The following CAMK1 variants were observed in gnomAD, a reference collection of about 807,000 sequenced individuals.
CAMK1 encodes calcium/calmodulin dependent protein kinase I.
Under a neutral mutation model 49.1 loss-of-function variants are expected in CAMK1, and 39 were observed. That is an observed-to-expected ratio of 0.79 (90% CI 0.62 to 1.04). CAMK1 has a LOEUF of 1.04. CAMK1 is among the 50% of genes least tolerant of loss of function. The pLI, the probability that CAMK1 is intolerant of heterozygous loss-of-function variation, is 0.00. For missense variants in CAMK1, 457 were observed against 472.2 expected (o/e 0.97, Z 0.30); for synonymous variants, 192 against 185.2 (o/e 1.04, Z -0.30).
At chr3:9,758,996 G>A in intron 10 of CAMK1, 1 of 613,156 alleles carries the variant, frequency 1.6e-6, no homozygotes, top group South Asian at 1.8e-5. Context: ...GTGCCCTCAG[G>A]ATCAAGTTGG....
At chr3:9,761,072 C>T (rs932972830) in intron 7 of CAMK1, 6 of 376,948 alleles carry the variant, frequency 1.6e-5, no homozygotes, top group African/African-American at 6.2e-5. Context: ...ACAGCGAGCC[C>T]TTCCCTGACC....
chr3:9,763,258 A>C, intron 3 of CAMK1, 45 bp from the exon 4 acceptor site: 1 of 1,612,184 alleles, frequency 6.2e-7, no homozygotes, highest in Non-Finnish European at 8.5e-7. Context: ...GGCGGTGTGC[A>C]CCTGTAGTCC....
chr3:9,763,254 G>A, intron 3 of CAMK1, 41 bp from the exon 4 acceptor site: 1 of 1,612,698 alleles, frequency 6.2e-7, no homozygotes, highest in Non-Finnish European at 8.5e-7. Context: ...GCATGGCGGT[G>A]TGCACCTGTA....
At chr3:9,762,876 C>T in intron 5 of CAMK1, 38 bp downstream of exon 5, 1 of 1,609,706 alleles carries the variant, frequency 6.2e-7, no homozygotes, top group African/African-American at 1.3e-5. Flanking sequence ...GGCCCCACCC[C>T]TGGGTACCCT....
chr3:9,763,252 G>A (rs1389951356), intron 3 of CAMK1, 39 bp from the exon 4 acceptor site: 2 of 1,612,642 alleles, frequency 1.2e-6, no homozygotes, highest in Non-Finnish European at 1.7e-6. Flanking sequence ...AGGCATGGCG[G>A]TGTGCACCTG....
In CAMK1 at chr3:9,762,992, G is replaced by C; in HGVS notation, c.351C>G (p.Asp117Glu). Residue 117 changes from aspartate (D) to glutamate (E), a missense_variant, in exon 5 of 12, where the codon GAC becomes GAG. Physicochemically the swap from Asp to Glu is conservative, Grantham distance 45 (BLOSUM62 2). Coordinates refer to ENST00000256460, the MANE Select transcript of CAMK1 (RefSeq NM_003656.5). ...GCACCTGGAAGATGAGGCGGCTGGCGTCCCGCTCCGTGTAGAAGCCTTTTT... is the reference window on the plus strand; with the variant it reads ...GCACCTGGAAGATGAGGCGGCTGGCCTCCCGCTCCGTGTAGAAGCCTTTTT... Reference protein sequence around the residue: ...IVEKGFYTERDASRLIFQVLD... With the variant: ...IVEKGFYTEREASRLIFQVLD... 6.2e-7 allele frequency: 1 copy of C among 1,614,144 alleles called. No homozygotes were observed. Among genetic ancestry groups the C allele is most frequent in the Non-Finnish European group, 8.5e-7 (1 of 1,180,032 alleles).
intron 10 of CAMK1, 158 bp from the exon 11 acceptor site, chr3:9,758,004 G>C (rs987855602): frequency 2.5e-6 from 3 of 1,216,258 alleles, no homozygotes; most frequent in Non-Finnish European, 3.3e-6. Flanking sequence ...CCTCTACAAG[G>C]CTTTATTATA....
At chr3:9,762,839 A>G in intron 5 of CAMK1, 75 bp downstream of exon 5, 3 of 1,496,514 alleles carry the variant, frequency 2.0e-6, no homozygotes, top group Non-Finnish European at 2.8e-6. Context: ...AAAGTTGCCC[A>G]AGGTCAGACA....
rs765378672 is a variant in CAMK1 at position 9,760,741 on chromosome 3, G to A, written c.660C>T (p.Asp220=). Residue 220 remains aspartate (D), a synonymous_variant, in exon 8 of 12, where the codon GAC becomes GAT. Transcript: ENST00000256460. ...ILLCGYPPFY[D]ENDAKLFEQI... ...GTTCAAAGAGTTTGGCATCATTCTC[G>A]TCATAGAAGGGAGGGTAACCGCAGA... 3.3e-5 allele frequency: 54 copies of A among 1,613,974 alleles called. No individual in the cohort carries two copies. The highest frequency in any genetic ancestry group is 2.3e-4 in the South Asian group (21 of 91,090).
At chr3:9,765,989 A>G in intron 2 of CAMK1, 99 bp from the exon 3 acceptor site, 1 of 1,614,122 alleles carries the variant, frequency 6.2e-7, no homozygotes, top group Non-Finnish European at 8.5e-7. Flanking sequence ...CTGCTGGACC[A>G]AGGACGTGGA....
chr3:9,763,071 C>T lies in CAMK1; in HGVS notation c.291-19G>A, dbSNP rs1409907451. ...CGACACCCTGCAGCAGGGGATAGGG[C>T]AGTCTGGCAAAGAGGGTTGGGACAG... is the stretch of plus-strand genomic sequence containing the variant. On this transcript the variant is annotated intron_variant, in intron 4 of 11. Coordinates refer to ENST00000256460, the MANE Select transcript of CAMK1 (RefSeq NM_003656.5). The T allele has an allele frequency of 1.9e-6, 3 of 1,613,980 alleles. No homozygotes were observed. The highest frequency in any genetic ancestry group is 2.5e-6 in the Non-Finnish European group (3 of 1,179,988).
chr3:9,763,934 C>T (rs528169694), intron 3 of CAMK1, among the ~76,000 whole-genome samples: 2 of 152,220 alleles, frequency 1.3e-5, no homozygotes, highest in Non-Finnish European at 2.9e-5. Flanking sequence ...TGCAGTGAGT[C>T]GAGATCATGC....
At chr3:9,762,673 T>C (rs2077940881) in intron 5 of CAMK1, among the ~76,000 whole-genome samples, 2 of 152,198 alleles carry the variant, frequency 1.3e-5, no homozygotes, top group Admixed American at 1.3e-4. Flanking sequence ...CCAGATTTTT[T>C]TTTTTTTAAT....
rs1471219827 is a variant in CAMK1, at chr3:9,763,152, G to T, written c.277C>A (p.Leu93Ile). 6.2e-7 allele frequency: 1 copy of T among 1,613,988 alleles called. No individual in the cohort carries two copies. The highest frequency in any genetic ancestry group is 1.3e-5 in the African/African-American group (1 of 74,922). ...DIYESGGHLY[L>I]IMQLVSGGEL... is the part of the protein sequence containing the mutation. ...TGGGCCACTCACAGCTGCATGATGA[G>T]GTAGAGGTGGCCCCCACTCTCATAG... Residue 93 changes from leucine to isoleucine, a missense_variant, in exon 4 of 12, where the codon CTC becomes ATC. Transcript: ENST00000256460.
rs2125577253 is a variant in CAMK1, at chr3:9,761,509, T to C, written c.584A>G (p.Tyr195Cys). 6.2e-7 allele frequency: 1 copy of C among 1,613,588 alleles called. No homozygotes were observed. Among genetic ancestry groups the C allele is most frequent in the Non-Finnish European group, 8.5e-7 (1 of 1,179,718 alleles). ...GGACCAGCAATCCACAGCCTTGCTG[T>C]AGGGCTTCTGGGCCAGGACTTCAGG... ...VAPEVLAQKP[Y>C]SKAVDCWSIG... Residue 195 changes from tyrosine (Y) to cysteine (C), a missense_variant, in exon 7 of 12, where the codon TAC (tyrosine) becomes TGC (cysteine). By Grantham distance (194) the Tyr-to-Cys change is radical. Transcript: ENST00000256460.
In CAMK1 at chr3:9,762,995, C is replaced by G. The variant is rs748389831; in HGVS notation, c.348G>C (p.Arg116=). The G allele has an allele frequency of 6.2e-7, 1 of 1,614,152 alleles. No individual in the cohort carries two copies. The highest frequency in any genetic ancestry group is 8.5e-7 in the Non-Finnish European group (1 of 1,180,038). ...CCTGGAAGATGAGGCGGCTGGCGTC[C>G]CGCTCCGTGTAGAAGCCTTTTTCCA... ...RIVEKGFYTE[R]DASRLIFQVL... Residue 116 remains arginine (R), a synonymous_variant, in exon 5 of 12, where the codon CGG becomes CGC. Coordinates refer to ENST00000256460, the MANE Select transcript of CAMK1 (RefSeq NM_003656.5).
At chr3:9,759,905 G>GGCCCTCCCACCCCGTGT in intron 8 of CAMK1, 155 bp from the exon 9 acceptor site, 1 of 1,253,180 alleles carries the variant, frequency 8.0e-7, no homozygotes, top group Non-Finnish European at 1.1e-6. Context: ...CTCTTCTTCA[G>GGCCCTCCCACCCCGTGT]GCCCTCCCAC....
intron 2 of CAMK1, chr3:9,766,330 C>A: frequency 1.5e-6 from 1 of 689,284 alleles, no homozygotes. Flanking sequence ...TACCCCTGGG[C>A]TTTTGGATTA....
At chr3:9,761,407 T>C (rs2077863414) in intron 7 of CAMK1, 54 bp downstream of exon 7, 2 of 1,552,172 alleles carry the variant, frequency 1.3e-6, no homozygotes, top group Non-Finnish European at 1.7e-6. Flanking sequence ...GAGAGGAAAG[T>C]AGGCGAGAGG....
Sources: allele counts gnomAD v4.1 joint callset (sites outside exome capture counted in the v4.1 genomes callset), GRCh38; gene constraint gnomAD v4.1.1; transcripts MANE v1.5; gene names NCBI Gene and HGNC (gene_info 2026-07-23, HGNC 2026-07-21).